SPICE1: variants seen among roughly 807,000 people sequenced by gnomAD.
SPICE1 encodes the protein spindle and centriole associated protein 1.
SPICE1 carries 75 observed loss-of-function variants against 102.7 expected under a neutral mutation model. That is an observed-to-expected ratio of 0.73 (90% CI 0.61 to 0.88). SPICE1 has a LOEUF of 0.88. SPICE1 is among the 40% of genes least tolerant of loss of function. The pLI is 0.00. For synonymous variants in SPICE1, 308 were observed against 350.3 expected, an observed-to-expected ratio of 0.88 and a Z score of 1.35; for missense variants, 979 against 1,020.1, an observed-to-expected ratio of 0.96 and a Z score of 0.55.
chr3:113,493,915 A>C, intron 5 of SPICE1, 134 bp downstream of exon 5: 1 of 586,408 alleles, frequency 1.7e-6, no homozygotes. Context: ...AACCCTAACA[A>C]CCCTTGTAAA....
At chr3:113,452,209 A>T (rs1935669402) in intron 14 of SPICE1, among the ~76,000 whole-genome samples, 4 of 152,318 alleles carry the variant, frequency 2.6e-5, no homozygotes, top group Admixed American at 2.6e-4. Flanking sequence ...CTCCTGCACT[A>T]TAAAATGCAG....
intron 2 of SPICE1, among the ~76,000 whole-genome samples, chr3:113,503,730 C>T (rs1425964644): frequency 1.3e-5 from 2 of 151,816 alleles, no homozygotes; most frequent in East Asian, 1.9e-4. Flanking sequence ...CTCAGGAGTT[C>T]GAGAACAGCC....
chr3:113,493,034 C>G (rs762569269), intron 6 of SPICE1, among the ~76,000 whole-genome samples, 172 bp downstream of exon 6: 17 of 152,228 alleles, frequency 1.1e-4, no homozygotes, highest in Non-Finnish European at 2.5e-4. Flanking sequence ...ATTATCCAGT[C>G]TTGTTTGATA....
chr3:113,468,093 T>G (rs557201033), intron 10 of SPICE1, 46 bp downstream of exon 10: 1 of 1,563,634 alleles, frequency 6.4e-7, no homozygotes, highest in African/African-American at 1.4e-5. Context: ...AAAAAACTCA[T>G]GCATTTCTGC....
chr3:113,456,407 T>C (rs1935779338), intron 13 of SPICE1, among the ~76,000 whole-genome samples: 2 of 152,028 alleles, frequency 1.3e-5, no homozygotes, highest in African/African-American at 4.8e-5. Flanking sequence ...AAGATGGTGG[T>C]TCTTTTTTTG....
chr3:113,473,766 T>G (rs1936265686), intron 7 of SPICE1, among the ~76,000 whole-genome samples: 1 of 151,340 alleles, frequency 6.6e-6, no homozygotes, highest in Non-Finnish European at 1.5e-5. Context: ...AGGCCTGCCC[T>G]AAAAGAGCTC....
At chr3:113,450,257 G>A (rs1371144810) in intron 15 of SPICE1, 79 bp downstream of exon 15, 10 of 1,548,776 alleles carry the variant, frequency 6.5e-6, no homozygotes, top group Non-Finnish European at 8.0e-6. Flanking sequence ...ACTTCTTTTG[G>A]CTTAATATAA....
intron 4 of SPICE1, among the ~76,000 whole-genome samples, chr3:113,497,690 GAGAGAGAGAA>G (rs1936922751): frequency 1.1e-5 from 1 of 89,794 alleles, no homozygotes; most frequent in Admixed American, 9.5e-5. Flanking sequence ...CATAGAGAGA[GAGAGAGAGAA>G]AGAGAGCTTT....
intron 7 of SPICE1, among the ~76,000 whole-genome samples, chr3:113,483,377 C>A (rs868686640): frequency 6.6e-6 from 1 of 152,130 alleles, no homozygotes; most frequent in African/African-American, 2.4e-5. Flanking sequence ...TTCCTCTTTT[C>A]CTACTTGAAT....
intron 3 of SPICE1, 148 bp downstream of exon 3, chr3:113,503,032 A>T: frequency 1.4e-6 from 1 of 701,564 alleles, no homozygotes; most frequent in Non-Finnish European, 2.3e-6. Context: ...TCCAGAAGAT[A>T]GGCGTTTTGA....
rs957444897 is a variant in SPICE1, at chr3:113,462,491, T to TA, written c.1288-1728dup. On this transcript the variant is annotated intron_variant, in intron 11 of 17. Transcript: ENST00000295872. ...GCTGGGTTTTCAGCAGTTGCTAGGT[T>TA]AAAAAAACAAGTTCTGGAGGAAAAT... Among the ~76,000 whole-genome samples, 9 of 152,168 alleles carry TA rather than the reference T, an allele frequency of 5.9e-5. 1 individual carries two copies. The South Asian group carries it at 1.9e-3, about 31-fold the overall frequency.
chr3:113,500,966 A>G (rs1399261012), intron 3 of SPICE1, among the ~76,000 whole-genome samples: 1 of 152,208 alleles, frequency 6.6e-6, no homozygotes, highest in Non-Finnish European at 1.5e-5. Context: ...GTAATAGTTC[A>G]GAGGAGATAA....
intron 7 of SPICE1, among the ~76,000 whole-genome samples, chr3:113,487,173 G>T (rs953018903): frequency 1.1e-4 from 17 of 152,186 alleles, no homozygotes; most frequent in Non-Finnish European, 2.1e-4. Flanking sequence ...TATTTTTGCA[G>T]TAGTATGGGC....
chr3:113,468,630 G>T, intron 9 of SPICE1, 132 bp downstream of exon 9: 1 of 1,144,644 alleles, frequency 8.7e-7, no homozygotes, highest in Non-Finnish European at 1.2e-6. Flanking sequence ...ACATTTCTTA[G>T]CTACCATTCA....
intron 7 of SPICE1, among the ~76,000 whole-genome samples, chr3:113,480,062 T>TG (rs1936455547): frequency 6.6e-6 from 1 of 152,086 alleles, no homozygotes; most frequent in East Asian, 1.9e-4. Context: ...TGAAACAAAA[T>TG]TTTTTAAGAA....
At chr3:113,447,421 G>A (rs974721558) in intron 16 of SPICE1, among the ~76,000 whole-genome samples, 3 of 152,004 alleles carry the variant, frequency 2.0e-5, no homozygotes, top group Non-Finnish European at 4.4e-5. Context: ...CTTACATCAG[G>A]GTTCACTCTC....
chr3:113,464,749 G>C (rs1395649397), intron 11 of SPICE1, among the ~76,000 whole-genome samples: 5 of 152,120 alleles, frequency 3.3e-5, no homozygotes, highest in African/African-American at 9.7e-5. Flanking sequence ...TCAGTAACAA[G>C]TACACATATA....
At position 113,445,375 on chromosome 3, in the gene SPICE1, C is replaced by A; in HGVS notation, c.2515-15G>T. The A allele has an allele frequency of 6.2e-7, 1 of 1,611,382 alleles. No individual in the cohort carries two copies. Among genetic ancestry groups the A allele is most frequent in the Non-Finnish European group, 8.5e-7 (1 of 1,178,456 alleles). ...TGTTTCTCAATCTGTTGAACAAAGA[C>A]ACGGAAAAAATTTAGATGGTAATTA... On this transcript the variant is annotated splice_polypyrimidine_tract_variant and intron_variant, in intron 17 of 17. Coordinates refer to ENST00000295872, the MANE Select transcript of SPICE1 (RefSeq NM_144718.4).
intron 4 of SPICE1, among the ~76,000 whole-genome samples, chr3:113,496,160 G>A (rs1936880707): frequency 6.6e-6 from 1 of 150,908 alleles, no homozygotes; most frequent in African/African-American, 2.4e-5. Flanking sequence ...ATGTGCCCCA[G>A]GGAAGCCAAA....
Sources: allele counts gnomAD v4.1 joint callset (sites outside exome capture counted in the v4.1 genomes callset), GRCh38; gene constraint gnomAD v4.1.1; transcripts MANE v1.5; gene names NCBI Gene and HGNC (gene_info 2026-07-23, HGNC 2026-07-21).